Variants in SAMMSON observed in about 807,000 individuals in gnomAD.
SAMMSON encodes the protein survival associated mitochondrial melanoma specific oncogenic non-coding RNA, also known as long intergenic non-protein coding RNA 1212.
intron 3 of SAMMSON, among the ~76,000 whole-genome samples, chr3:70,033,754 G>A (rs1315861179): frequency 6.6e-6 from 1 of 152,146 alleles, no homozygotes; most frequent in Non-Finnish European, 1.5e-5. Flanking sequence ...GGTGGAAACA[G>A]TAGACTCAAT....
chr3:70,045,081 T>C (rs1480635488), intron 3 of SAMMSON, among the ~76,000 whole-genome samples: 5 of 84,240 alleles, frequency 5.9e-5, no homozygotes, highest in Non-Finnish European at 6.4e-5. Context: ...ATAATTAATA[T>C]ATATAATTAA....
chr3:70,023,291 G>C (rs1480525568), intron 3 of SAMMSON, among the ~76,000 whole-genome samples: 5 of 151,154 alleles, frequency 3.3e-5, no homozygotes, highest in Non-Finnish European at 7.4e-5. Context: ...CCCGTCTCTA[G>C]TAAAAATACA....
At chr3:70,032,753 A>G (rs2067070746) in intron 3 of SAMMSON, among the ~76,000 whole-genome samples, 1 of 152,204 alleles carries the variant, frequency 6.6e-6, no homozygotes, top group Non-Finnish European at 1.5e-5. Context: ...TGTGTTCCTC[A>G]AGAGTTCAGA....
intron 7 of SAMMSON, among the ~76,000 whole-genome samples, chr3:70,335,055 G>A (rs1702650795): frequency 2.2e-5 from 1 of 45,914 alleles, no homozygotes; most frequent in African/African-American, 7.5e-5. Flanking sequence ...TAAACCTACT[G>A]CTTTGGGGAA....
At chr3:70,407,792 C>T (rs1701187885) in intron 2 of SAMMSON, among the ~76,000 whole-genome samples, 1 of 152,228 alleles carries the variant, frequency 6.6e-6, no homozygotes, top group Non-Finnish European at 1.5e-5. Flanking sequence ...CGTCTTCTCA[C>T]AGCTCCACTA....
chr3:70,274,947 G>T (rs1702008561), intron 6 of SAMMSON, among the ~76,000 whole-genome samples: 1 of 152,026 alleles, frequency 6.6e-6, no homozygotes, highest in Non-Finnish European at 1.5e-5. Flanking sequence ...ATAAAAGTGG[G>T]AAATAAAATC....
chr3:70,390,019 G>T (rs532339174), downstream of SAMMSON, among the ~76,000 whole-genome samples: 29 of 152,056 alleles, frequency 1.9e-4, no homozygotes, highest in African/African-American at 6.0e-4. Context: ...TTTTCAAGGT[G>T]GTAGAAATAA....
chr3:70,257,774 A>C (rs1701830171), intron 6 of SAMMSON, among the ~76,000 whole-genome samples: 2 of 152,190 alleles, frequency 1.3e-5, no homozygotes, highest in South Asian at 2.1e-4. Flanking sequence ...CCCAATAAAA[A>C]TCCCAGCAGC....
intron 4 of SAMMSON, among the ~76,000 whole-genome samples, chr3:70,207,288 A>G (rs906602638): frequency 1.3e-5 from 2 of 152,112 alleles, no homozygotes; most frequent in Non-Finnish European, 2.9e-5. Flanking sequence ...TGAATAGTCT[A>G]TAAGCTCATT....
chr3:70,146,891 C>T (rs2067551230), intron 4 of SAMMSON, among the ~76,000 whole-genome samples: 1 of 151,856 alleles, frequency 6.6e-6, no homozygotes, highest in South Asian at 2.1e-4. Context: ...AAGACCGTCA[C>T]CTATTCACAG....
intron 9 of SAMMSON, among the ~76,000 whole-genome samples, chr3:70,361,363 A>C (rs996312783): frequency 6.6e-6 from 1 of 152,188 alleles, no homozygotes; most frequent in African/African-American, 2.4e-5. Context: ...AATTATAAGA[A>C]ATTAGACATA....
At chr3:70,301,822 ACT>A (rs1702351304) in intron 7 of SAMMSON, among the ~76,000 whole-genome samples, 1 of 152,044 alleles carries the variant, frequency 6.6e-6, no homozygotes, top group African/African-American at 2.4e-5. Flanking sequence ...TATTTTGGTA[ACT>A]CTACAGGAAG....
chr3:70,328,310 CA>C (rs1211931727), intron 7 of SAMMSON, among the ~76,000 whole-genome samples: 1 of 152,090 alleles, frequency 6.6e-6, no homozygotes, highest in East Asian at 1.9e-4. Context: ...AGAAGCTAAC[CA>C]CACAATCTGT....
chr3:70,000,664 A>C (rs2066902433), intron 1 of SAMMSON, among the ~76,000 whole-genome samples: 1 of 152,166 alleles, frequency 6.6e-6, no homozygotes, highest in Non-Finnish European at 1.5e-5. Context: ...TTTTGTTTGA[A>C]ATTCCACTTC....
intron 6 of SAMMSON, among the ~76,000 whole-genome samples, chr3:70,271,223 G>GATCT (rs1452338075): frequency 6.6e-5 from 10 of 152,044 alleles, no homozygotes; most frequent in Admixed American, 2.6e-4. Context: ...ATTTATCATT[G>GATCT]ATCTACCTTA....
intron 7 of SAMMSON, among the ~76,000 whole-genome samples, chr3:70,334,833 C>G (rs1702649517): frequency 6.6e-6 from 1 of 152,074 alleles, no homozygotes; most frequent in Non-Finnish European, 1.5e-5. Flanking sequence ...TTTAGCTCAT[C>G]TCAATTCCCA....
intron 4 of SAMMSON, among the ~76,000 whole-genome samples, chr3:70,224,780 A>T (rs1040048975): frequency 6.6e-6 from 1 of 152,048 alleles, no homozygotes; most frequent in Non-Finnish European, 1.5e-5. Flanking sequence ...TTTGCGCTCT[A>T]TTAAAACATT....
At chr3:70,407,465 G>A (rs1409189059) in intron 2 of SAMMSON, among the ~76,000 whole-genome samples, 5 of 152,202 alleles carry the variant, frequency 3.3e-5, no homozygotes, top group African/African-American at 1.2e-4. Context: ...GGTAAATACA[G>A]CCTTTCCAAA....
chr3:70,241,140 G>A (rs1041748058), intron 4 of SAMMSON, among the ~76,000 whole-genome samples: 15 of 152,208 alleles, frequency 9.9e-5, no homozygotes, highest in South Asian at 2.1e-4. Flanking sequence ...CATACGGGCT[G>A]ATAAATTTAT....
Sources: gnomAD v4.1 joint callset for allele counts (sites outside exome capture counted in the v4.1 genomes callset) on GRCh38, gnomAD v4.1.1 for gene constraint, MANE v1.5 for transcripts, NCBI Gene and HGNC (gene_info 2026-07-23, HGNC 2026-07-21) for gene names.